SNRNP40: variants seen among roughly 807,000 people sequenced by gnomAD.
SNRNP40 encodes U5 small nuclear ribonucleoprotein 40 kDa protein.
SNRNP40 carries 21 observed loss-of-function variants against 45.8 expected under a neutral mutation model. The ratio of observed to expected loss-of-function variants is 0.46; its 90% CI spans 0.32 to 0.66. The LOEUF (loss-of-function observed/expected upper bound fraction) is 0.66. Ranked by LOEUF, SNRNP40 falls within the 30% of genes least tolerant of loss-of-function variation. The pLI, the probability that SNRNP40 is intolerant of heterozygous loss-of-function variation, is 0.03. For synonymous variants in SNRNP40, 142 were observed against 163.8 expected (o/e 0.87, Z 1.01); for missense variants, 344 against 439.1 (o/e 0.78, Z 1.94).
At chr1:31,274,359 C>T (rs1645960309) in intron 5 of SNRNP40, among the ~76,000 whole-genome samples, 1 of 152,054 alleles carries the variant, frequency 6.6e-6, no homozygotes, top group Admixed American at 6.6e-5. Context: ...CCCTCAGCCT[C>T]CAGAGTAGCT....
intron 5 of SNRNP40, among the ~76,000 whole-genome samples, chr1:31,280,375 G>A (rs1487360438): frequency 6.6e-6 from 1 of 151,816 alleles, no homozygotes; most frequent in Non-Finnish European, 1.5e-5. Flanking sequence ...CATTGGCCAG[G>A]ACGGTCTCGG....
At chr1:31,274,384 G>A (rs867008798) in intron 5 of SNRNP40, among the ~76,000 whole-genome samples, 33 of 151,868 alleles carry the variant, frequency 2.2e-4, no homozygotes, top group African/African-American at 7.2e-4. Context: ...CTACAGGCGC[G>A]CACCACCACA....
chr1:31,282,652 G>GTATC (rs1283028596), intron 4 of SNRNP40, among the ~76,000 whole-genome samples: 11 of 150,112 alleles, frequency 7.3e-5, no homozygotes, highest in Non-Finnish European at 1.6e-4. Flanking sequence ...ATGTATCTAT[G>GTATC]TGTCTATCTA....
At chr1:31,290,519 T>C (rs1443416806) in intron 3 of SNRNP40, among the ~76,000 whole-genome samples, 1 of 152,214 alleles carries the variant, frequency 6.6e-6, no homozygotes, top group African/African-American at 2.4e-5. Context: ...GTCATTAAAA[T>C]GACGTTTATG....
At chr1:31,260,474 G>C (rs140705838) in intron 9 of SNRNP40, among the ~76,000 whole-genome samples, 2 of 152,182 alleles carry the variant, frequency 1.3e-5, no homozygotes, top group African/African-American at 4.8e-5. Context: ...TAGCCCTGGA[G>C]AAAGTTACAG....
At chr1:31,276,335 A>G (rs992616818) in intron 5 of SNRNP40, among the ~76,000 whole-genome samples, 1 of 152,226 alleles carries the variant, frequency 6.6e-6, no homozygotes, top group African/African-American at 2.4e-5. Context: ...TGATTCCACC[A>G]CCACATTGCA....
chr1:31,260,874 A>AAAG (rs71028752), intron 9 of SNRNP40: 274,363 of 640,884 alleles, frequency 0.43, 51,762 homozygotes, highest in Admixed American at 0.53. Context: ...AAAAAAAAAA[A>AAAG]AAAAAAGTAT....
intron 8 of SNRNP40, among the ~76,000 whole-genome samples, chr1:31,265,933 G>A (rs1001094546): frequency 3.3e-5 from 5 of 152,192 alleles, no homozygotes; most frequent in Admixed American, 3.3e-4. Context: ...ATCAGAATAT[G>A]AGACACCTTA....
chr1:31,265,171 C>G (rs1282208608), intron 8 of SNRNP40, among the ~76,000 whole-genome samples: 1 of 152,104 alleles, frequency 6.6e-6, no homozygotes, highest in Non-Finnish European at 1.5e-5. Flanking sequence ...GTTGCCCAGG[C>G]TGGAGAGCAG....
chr1:31,264,145 A>G (rs756895481), intron 8 of SNRNP40, among the ~76,000 whole-genome samples: 11 of 152,128 alleles, frequency 7.2e-5, no homozygotes, highest in Non-Finnish European at 1.5e-4. Context: ...CCAGTACTGG[A>G]TTATAAAATG....
At chr1:31,284,120 G>A (rs1050020327) in intron 4 of SNRNP40, among the ~76,000 whole-genome samples, 2 of 152,106 alleles carry the variant, frequency 1.3e-5, no homozygotes, top group African/African-American at 4.8e-5. Context: ...CTACTTGGGA[G>A]GCTGAGATGG....
chr1:31,296,517 C>G (rs1557682724), intron 1 of SNRNP40, 94 bp downstream of exon 1: 7 of 1,448,352 alleles, frequency 4.8e-6, no homozygotes, highest in Non-Finnish European at 6.5e-6. Flanking sequence ...GTTCTGCCCC[C>G]GCAATGCGGG....
intron 5 of SNRNP40, among the ~76,000 whole-genome samples, chr1:31,279,060 A>C (rs7548964): frequency 0.099 from 14,386 of 145,904 alleles, 956 homozygotes; most frequent in Non-Finnish European, 0.15. Context: ...AAAAAAAAAA[A>C]CCAGACTATT....
intron 7 of SNRNP40, 100 bp downstream of exon 7, chr1:31,269,058 T>G: frequency 9.5e-7 from 1 of 1,054,810 alleles, no homozygotes; most frequent in Non-Finnish European, 1.3e-6. Context: ...TGGAATGAAG[T>G]CCATTCTTAG....
intron 7 of SNRNP40, 24 bp downstream of exon 7, chr1:31,269,134 A>T: frequency 6.4e-7 from 1 of 1,555,772 alleles, no homozygotes. Flanking sequence ...GAACAGTAAA[A>T]CTCCTCTGCC....
intron 5 of SNRNP40, among the ~76,000 whole-genome samples, chr1:31,276,923 A>G (rs1200963340): frequency 6.6e-6 from 1 of 151,918 alleles, no homozygotes; most frequent in East Asian, 1.9e-4. Flanking sequence ...AATCCCAGCT[A>G]CTCGGGAGGC....
intron 1 of SNRNP40, among the ~76,000 whole-genome samples, chr1:31,294,446 T>C (rs961516317): frequency 3.2e-5 from 4 of 126,220 alleles, no homozygotes; most frequent in Non-Finnish European, 7.6e-5. Context: ...CCCAGCATTT[T>C]CATATTTATT....
intron 4 of SNRNP40, among the ~76,000 whole-genome samples, chr1:31,286,130 T>G (rs1646055912): frequency 6.6e-6 from 1 of 152,036 alleles, no homozygotes; most frequent in Non-Finnish European, 1.5e-5. Context: ...CTAAACCTTT[T>G]CAGTGGACAG....
At chr1:31,264,873 CAG>C (rs1365868946) in intron 8 of SNRNP40, among the ~76,000 whole-genome samples, 4 of 152,180 alleles carry the variant, frequency 2.6e-5, no homozygotes, top group African/African-American at 9.7e-5. Flanking sequence ...ACATAAAAGA[CAG>C]AATCCCAGAT....
Sources: gnomAD v4.1 joint callset for allele counts (sites outside exome capture counted in the v4.1 genomes callset) on GRCh38, gnomAD v4.1.1 for gene constraint, MANE v1.5 for transcripts, NCBI Gene and HGNC (gene_info 2026-07-23, HGNC 2026-07-21) for gene names.